Variants in P3H2 observed in about 807,000 individuals in gnomAD.
The protein encoded by P3H2 is prolyl 3-hydroxylase 2.
A neutral mutation model predicts 87.0 loss-of-function variants in P3H2; 80 were observed. That is an observed-to-expected ratio of 0.92 (90% CI 0.77 to 1.11). P3H2 has a LOEUF of 1.11. P3H2 is among the 50% of genes least tolerant of loss of function. The pLI, the probability that P3H2 is intolerant of heterozygous loss-of-function variation, is 0.00. For synonymous variants in P3H2, 367 were observed against 359.3 expected (o/e 1.02, Z -0.24); for missense variants, 1,001 against 923.9 (o/e 1.08, Z -1.08).
intron 1 of P3H2, among the ~76,000 whole-genome samples, chr3:190,075,485 CAAAAAAAA>C (rs58622114): frequency 2.5e-5 from 3 of 118,934 alleles, no homozygotes; most frequent in Admixed American, 1.8e-4. Flanking sequence ...AACTCCGTCT[CAAAAAAAA>C]AAAAGAAAAA....
At chr3:190,078,428 T>C (rs962983713) in intron 1 of P3H2, among the ~76,000 whole-genome samples, 16 of 152,308 alleles carry the variant, frequency 1.1e-4, no homozygotes, top group African/African-American at 3.9e-4. Flanking sequence ...TATATGTCAA[T>C]CATTTAGTAC....
chr3:190,071,627 A>G (rs550496848), intron 1 of P3H2, among the ~76,000 whole-genome samples: 163 of 152,308 alleles, frequency 1.1e-3, no homozygotes, highest in South Asian at 2.9e-3. Flanking sequence ...TTATTGTGCT[A>G]TTCATGGGTT....
At chr3:190,004,800 G>T (rs1237623220) in intron 1 of P3H2, among the ~76,000 whole-genome samples, 2 of 151,922 alleles carry the variant, frequency 1.3e-5, no homozygotes, top group Admixed American at 1.3e-4. Context: ...ATTTTGCCTG[G>T]TTTTCATTAT....
Position 190,013,053 on chromosome 3 carries a change from G to A in P3H2, c.481-17611C>T, listed in dbSNP as rs1263389679. On this transcript the variant is annotated intron_variant, in intron 1 of 14. Transcript: ENST00000319332. The stretch of plus-strand genomic sequence containing the variant: ...AAAAGCTGTTCATATGGTTGTTCAC[G>A]CATCAAACACTGACTGAGAGCCCTG... 2.1e-4 allele frequency among the ~76,000 whole-genome samples: 32 copies of A among 152,144 alleles called. 1 individual carries two copies. Among genetic ancestry groups the A allele is most frequent in the Non-Finnish European group, 4.4e-5 (3 of 68,018 alleles).
intron 1 of P3H2, among the ~76,000 whole-genome samples, chr3:190,063,966 T>C (rs1726413681): frequency 6.6e-6 from 1 of 151,758 alleles, no homozygotes; most frequent in Non-Finnish European, 1.5e-5. Flanking sequence ...TAAATAAACA[T>C]TTAAGAAATC....
chr3:189,971,529 T>C (rs1369487057), intron 12 of P3H2: 5 of 288,996 alleles, frequency 1.7e-5, no homozygotes, highest in Non-Finnish European at 3.3e-5. Flanking sequence ...ATAATTGATG[T>C]GATAAAGTCC....
At chr3:189,969,195 C>A in intron 13 of P3H2, 1 of 710,272 alleles carries the variant, frequency 1.4e-6, no homozygotes. Context: ...CGTGCTCCTT[C>A]CAGCAGTCAT....
intron 1 of P3H2, among the ~76,000 whole-genome samples, chr3:190,033,909 G>C (rs181044205): frequency 6.6e-6 from 1 of 151,962 alleles, no homozygotes; most frequent in Non-Finnish European, 1.5e-5. Flanking sequence ...TTATTTTACC[G>C]CCAAATATTT....
intron 1 of P3H2, among the ~76,000 whole-genome samples, chr3:190,016,641 T>G (rs1724763714): frequency 6.6e-6 from 1 of 152,256 alleles, no homozygotes; most frequent in Non-Finnish European, 1.5e-5. Context: ...ATGCCAAGTT[T>G]GCAAATTAAA....
chr3:190,013,801 C>T lies in P3H2; in HGVS notation c.481-18359G>A, dbSNP rs146597213. Among the ~76,000 whole-genome samples the T allele has an allele frequency of 1.8e-4, 28 of 152,196 alleles. 1 individual carries two copies. The highest frequency in any genetic ancestry group is 6.5e-4 in the African/African-American group (27 of 41,534). On this transcript the variant is annotated intron_variant, in intron 1 of 14. Coordinates refer to ENST00000319332, the MANE Select transcript of P3H2 (RefSeq NM_018192.4). ...ATGCTAATAGCTTGAAAATCCTCCA[C>T]GAGAGAAGAAAATCAATTAAGATGT... is the stretch of plus-strand genomic sequence containing the variant.
intron 6 of P3H2, 33 bp from the exon 7 acceptor site, chr3:189,984,623 T>C (rs1358582019): frequency 1.3e-6 from 2 of 1,485,632 alleles, no homozygotes; most frequent in Non-Finnish European, 9.4e-7. Flanking sequence ...AAAAATGCAG[T>C]AATTTTGTCA....
At chr3:190,046,049 G>A (rs1283222294) in intron 1 of P3H2, among the ~76,000 whole-genome samples, 1 of 152,042 alleles carries the variant, frequency 6.6e-6, no homozygotes, top group Non-Finnish European at 1.5e-5. Context: ...CGTGAACCCG[G>A]GAGGCAGAGC....
At chr3:190,103,096 T>C (rs763433972) in intron 1 of P3H2, among the ~76,000 whole-genome samples, 1 of 152,256 alleles carries the variant, frequency 6.6e-6, no homozygotes, top group Non-Finnish European at 1.5e-5. Flanking sequence ...AAATTTTATA[T>C]GCACTGGGAA....
chr3:190,003,495 TAAAA>T (rs5855293), intron 1 of P3H2, among the ~76,000 whole-genome samples: 1 of 146,006 alleles, frequency 6.8e-6, no homozygotes, highest in Non-Finnish European at 1.5e-5. Flanking sequence ...CCCTTGATGT[TAAAA>T]AAAAAAAAAA....
chr3:190,002,496 G>A (rs1025320285), intron 1 of P3H2, among the ~76,000 whole-genome samples: 8 of 151,716 alleles, frequency 5.3e-5, no homozygotes, highest in Middle Eastern at 3.4e-3. Flanking sequence ...TGCCTCCTGG[G>A]TTCGAGCAAT....
intron 1 of P3H2, among the ~76,000 whole-genome samples, chr3:190,079,764 A>G (rs1368189637): frequency 6.6e-6 from 1 of 152,208 alleles, no homozygotes; most frequent in Non-Finnish European, 1.5e-5. Context: ...TGTATATTAC[A>G]GTGGTGAGAA....
intron 1 of P3H2, among the ~76,000 whole-genome samples, chr3:190,010,724 G>A (rs184973239): frequency 6.6e-6 from 1 of 152,326 alleles, no homozygotes; most frequent in East Asian, 1.9e-4. Context: ...TTTTGTGATG[G>A]CTGCCCTAGC....
chr3:189,973,844 T>C (rs1723260114), intron 10 of P3H2, 65 bp downstream of exon 10: 1 of 1,226,558 alleles, frequency 8.2e-7, no homozygotes, highest in African/African-American at 1.5e-5. Flanking sequence ...TTCTTATATC[T>C]GCCATTTACA....
intron 1 of P3H2, among the ~76,000 whole-genome samples, chr3:190,074,107 A>G (rs1224492631): frequency 2.0e-5 from 3 of 152,316 alleles, no homozygotes; most frequent in Admixed American, 1.3e-4. Flanking sequence ...ATATGACTCT[A>G]AATTATTTGA....
Sources: allele counts gnomAD v4.1 joint callset (sites outside exome capture counted in the v4.1 genomes callset), GRCh38; gene constraint gnomAD v4.1.1; transcripts MANE v1.5; gene names NCBI Gene and HGNC (gene_info 2026-07-23, HGNC 2026-07-21).